The following GRIK2 variants were observed in gnomAD, a reference collection of about 807,000 sequenced individuals.
GRIK2 encodes the protein glutamate ionotropic receptor kainate type subunit 2, also known as glutamate receptor ionotropic, kainate 2.
In GRIK2, 32 loss-of-function variants were observed where a neutral mutation model predicts 100.3. That is an observed-to-expected ratio of 0.32 (90% confidence interval 0.24 to 0.43). The LOEUF (loss-of-function observed/expected upper bound fraction) is 0.43, where lower values mean the gene tolerates loss of function less well. GRIK2 is among the 20% of genes least tolerant of loss of function. GRIK2 has a pLI of 1.00. For missense variants in GRIK2, 843 were observed against 1,114.9 expected (o/e 0.76, Z 3.47); for synonymous variants, 417 against 389.4 (o/e 1.07, Z -0.83).
chr6:101,590,508 C>T (rs2128306351), intron 2 of GRIK2, among the ~76,000 whole-genome samples: 1 of 152,156 alleles, frequency 6.6e-6, no homozygotes, highest in Non-Finnish European at 1.5e-5. Context: ...TTGGCTGACT[C>T]CATCCCATGG....
At chr6:101,560,716 A>AT (rs34479191) in intron 2 of GRIK2, among the ~76,000 whole-genome samples, 126,751 of 151,862 alleles carry the variant, frequency 0.83, 53,221 homozygotes, top group African/African-American at 0.9. Context: ...GTATCAGTAA[A>AT]TTTTTTTTCC....
intron 3 of GRIK2, among the ~76,000 whole-genome samples, chr6:101,625,476 C>T (rs1157873734): frequency 6.6e-6 from 1 of 151,544 alleles, no homozygotes; most frequent in Non-Finnish European, 1.5e-5. Flanking sequence ...TCCCCTTTGC[C>T]CATCAAGTGA....
chr6:101,533,977 C>T (rs138230752), intron 2 of GRIK2, among the ~76,000 whole-genome samples: 327 of 151,928 alleles, frequency 2.2e-3, no homozygotes, highest in African/African-American at 7.6e-3. Context: ...TCCTTTCATA[C>T]CTTCATGCCT....
At chr6:102,013,335 T>C (rs1044523797) in intron 14 of GRIK2, among the ~76,000 whole-genome samples, 1 of 152,212 alleles carries the variant, frequency 6.6e-6, no homozygotes, top group Non-Finnish European at 1.5e-5. Flanking sequence ...GCTTTTGGGC[T>C]GAGAATGCAG....
chr6:101,834,356 T>C (rs769864873), intron 10 of GRIK2, among the ~76,000 whole-genome samples: 7 of 152,100 alleles, frequency 4.6e-5, no homozygotes, highest in Admixed American at 6.6e-5. Context: ...TTTTTCAGCA[T>C]TTTCTTATTA....
Position 101,859,277 on chromosome 6 carries a change from A to AT in GRIK2, c.1318-9dup. ...CTGTTACCTCTTTTCTTCTTTTTCA[A>AT]TGTTTTCAGGAAGAGCCTTATGTCC... is the stretch of plus-strand genomic sequence containing the variant. On this transcript the variant is annotated splice_polypyrimidine_tract_variant and intron_variant, in intron 10 of 16. Transcript: ENST00000369134. The AT allele has an allele frequency of 6.9e-7, 1 of 1,459,246 alleles. No homozygotes were observed. The highest frequency in any genetic ancestry group is 1.7e-4 in the Middle Eastern group (1 of 5,746). The allele number at this position is 1,459,246 out of a possible 1,614,324, so 90.4% of individuals were successfully genotyped here.
intron 2 of GRIK2, among the ~76,000 whole-genome samples, chr6:101,537,178 TG>T (rs1405918841): frequency 6.6e-5 from 10 of 151,818 alleles, no homozygotes; most frequent in African/African-American, 2.4e-4. Flanking sequence ...GTTGGTTCCT[TG>T]TTATTGGAAA....
At chr6:101,526,982 G>A (rs772923486) in intron 2 of GRIK2, among the ~76,000 whole-genome samples, 21 of 152,164 alleles carry the variant, frequency 1.4e-4, no homozygotes, top group South Asian at 4.1e-4. Flanking sequence ...GACATGGCCT[G>A]TCTCCCATAC....
chr6:101,720,419 C>T (rs1774400298), intron 7 of GRIK2, among the ~76,000 whole-genome samples: 1 of 151,828 alleles, frequency 6.6e-6, no homozygotes, highest in Non-Finnish European at 1.5e-5. Context: ...TTAAGCATAG[C>T]AGTTAATTTG....
intron 2 of GRIK2, among the ~76,000 whole-genome samples, chr6:101,483,815 C>G (rs1202735876): frequency 1.3e-5 from 2 of 152,202 alleles, no homozygotes; most frequent in Non-Finnish European, 2.9e-5. Flanking sequence ...TGACCTCAGT[C>G]CGCCTCAGCC....
intron 2 of GRIK2, among the ~76,000 whole-genome samples, chr6:101,539,214 C>T (rs1351390684): frequency 6.6e-6 from 1 of 151,630 alleles, no homozygotes; most frequent in Non-Finnish European, 1.5e-5. Context: ...CAAATTTTAC[C>T]TTTCAGTTTT....
chr6:101,662,656 T>C (rs1172857600), intron 4 of GRIK2, among the ~76,000 whole-genome samples: 1 of 152,040 alleles, frequency 6.6e-6, no homozygotes, highest in African/African-American at 2.4e-5. Context: ...GTGTTTTCTA[T>C]ATGCTATTTT....
chr6:101,626,283 G>A (rs969119324), intron 3 of GRIK2, 97 bp from the exon 4 acceptor site: 1 of 1,093,286 alleles, frequency 9.1e-7, no homozygotes, highest in South Asian at 1.6e-5. Context: ...AATCTTTCTT[G>A]AGAATGATAC....
At chr6:102,035,196 T>TATATAC (rs1430528004) in intron 14 of GRIK2, 145 bp from the exon 15 acceptor site, 1 of 197,036 alleles carries the variant, frequency 5.1e-6, no homozygotes, top group African/African-American at 2.5e-5. Context: ...TTTTTTGGTA[T>TATATAC]ATATATATAT....
chr6:101,504,275 C>T (rs1005784266), intron 2 of GRIK2, among the ~76,000 whole-genome samples: 2 of 152,068 alleles, frequency 1.3e-5, no homozygotes, highest in African/African-American at 4.8e-5. Flanking sequence ...TAAATTATTA[C>T]ACTCAAGTAT....
chr6:101,698,836 G>A (rs1226701408), intron 7 of GRIK2, among the ~76,000 whole-genome samples: 1 of 152,058 alleles, frequency 6.6e-6, no homozygotes, highest in Non-Finnish European at 1.5e-5. Context: ...AGAAAACAGT[G>A]CATTTAGATG....
At chr6:101,600,724 G>T (rs1426412261) in intron 2 of GRIK2, among the ~76,000 whole-genome samples, 2 of 151,686 alleles carry the variant, frequency 1.3e-5, no homozygotes, top group African/African-American at 4.8e-5. Flanking sequence ...AACATTATTG[G>T]TGTGTAAAAT....
chr6:101,645,246 G>A (rs115160485), intron 4 of GRIK2, among the ~76,000 whole-genome samples: 2,445 of 151,252 alleles, frequency 0.016, 66 homozygotes, highest in African/African-American at 0.056. Flanking sequence ...TTAAACTATA[G>A]TGTTACAAAG....
At chr6:101,936,149 G>T (rs1446534393) in intron 14 of GRIK2, among the ~76,000 whole-genome samples, 2 of 152,076 alleles carry the variant, frequency 1.3e-5, no homozygotes, top group African/African-American at 2.4e-5. Context: ...GGGCAGTAAG[G>T]TTAGGTTAAT....
Sources: gnomAD v4.1 joint callset for allele counts (sites outside exome capture counted in the v4.1 genomes callset) on GRCh38, gnomAD v4.1.1 for gene constraint, MANE v1.5 for transcripts, NCBI Gene and HGNC (gene_info 2026-07-23, HGNC 2026-07-21) for gene names.